The following THBS2 variants were observed in gnomAD, a reference collection of about 807,000 sequenced individuals.
THBS2 encodes thrombospondin 2.
THBS2 carries 47 observed loss-of-function variants against 135.2 expected under a neutral mutation model. The ratio of observed to expected loss-of-function variants is 0.35; its 90% CI spans 0.28 to 0.44. The LOEUF (loss-of-function observed/expected upper bound fraction) is 0.44. Ranked by LOEUF, THBS2 falls within the 20% of genes least tolerant of loss-of-function variation. The pLI is 1.00. For synonymous variants in THBS2, 639 were observed against 633.8 expected (o/e 1.01, Z -0.12); for missense variants, 1,288 against 1,603.1 (o/e 0.80, Z 3.36).
Position 169,221,532 on chromosome 6 carries a change from G to A in THBS2, c.3274-5C>T, listed in dbSNP as rs1779430052. On this transcript the variant is annotated splice_polypyrimidine_tract_variant and splice_region_variant and intron_variant, in intron 19 of 21. Coordinates refer to ENST00000617924, the MANE Select transcript of THBS2 (RefSeq NM_003247.5). The stretch of plus-strand genomic sequence containing the variant: ...GTCGTGCCATAAGGTTCGCACCTGA[G>A]AGAGAACATAGCACTCTTGAGTGCC... The A allele has an allele frequency of 6.2e-7, 1 of 1,613,764 alleles. No homozygotes were observed. The highest frequency in any genetic ancestry group is 8.5e-7 in the Non-Finnish European group (1 of 1,179,980).
In THBS2 at chr6:169,239,549, C is replaced by T. The variant is rs760760830; in HGVS notation, c.1129+50G>A. 4.0e-6 allele frequency: 6 copies of T among 1,494,348 alleles called. No individual in the cohort carries two copies. In the Admixed American group the frequency reaches 5.9e-5, roughly 15 times the overall value. The allele number at this position is 1,494,348 out of a possible 1,614,324, so 92.6% of individuals were successfully genotyped here. On this transcript the variant is annotated intron_variant, in intron 7 of 21. Coordinates refer to ENST00000617924, the MANE Select transcript of THBS2 (RefSeq NM_003247.5). ...ACCAATGAATAAATAAACAAACAAG[C>T]ATGGAATTCCTAAAAATGCAGGATG...
Position 169,228,149 on chromosome 6 carries a change from C to T in THBS2, c.2392G>A (p.Ala798Thr), listed in dbSNP as rs1300885314. ...IDTDNNGEGD[A>T]CSVDIDGDDV... is the part of the protein sequence containing the mutation. The stretch of plus-strand genomic sequence containing the variant: ...TCCCCATCAATGTCCACGGAGCAGG[C>T]GTCACCCTCTCCATTGTTGTCTGTG... Residue 798 changes from alanine (A) to threonine (T), a missense_variant, in exon 15 of 22, where the codon GCC becomes ACC. Physicochemically the swap from Ala to Thr is moderately conservative, Grantham distance 58. Around this residue, in one of 2 missense-constraint regions of THBS2, gnomAD observed 874 missense variants for 1,156.1 expected, o/e 0.76. Coordinates refer to ENST00000617924, the MANE Select transcript of THBS2 (RefSeq NM_003247.5). 9 of 1,613,556 alleles carry T rather than the reference C, an allele frequency of 5.6e-6. No homozygotes were observed. Among genetic ancestry groups the T allele is most frequent in the South Asian group, 1.1e-5 (1 of 91,058 alleles).
intron 21 of THBS2, among the ~76,000 whole-genome samples, chr6:169,219,339 G>GAT: frequency 2.9e-5 from 1 of 34,048 alleles, no homozygotes; most frequent in Non-Finnish European, 5.5e-5. Context: ...TGTGTGGGTG[G>GAT]GTGGATGGAT....
intron 10 of THBS2, among the ~76,000 whole-genome samples, chr6:169,234,343 T>G (rs1169721308): frequency 7.4e-6 from 1 of 134,870 alleles, no homozygotes; most frequent in Non-Finnish European, 1.7e-5. Context: ...ACACACCACA[T>G]TCCACACCAC....
Position 169,240,551 on chromosome 6 carries a change from A to T in THBS2, c.933T>A (p.Pro311=), listed in dbSNP as rs751818310. The T allele has an allele frequency of 1.2e-6, 2 of 1,614,026 alleles. No individual in the cohort carries two copies. Among genetic ancestry groups the T allele is most frequent in the South Asian group, 1.1e-5 (1 of 91,076 alleles). The part of the protein sequence containing the change: ...NQFLWELIGG[P]PKTRNMSACW... Reference sequence around the variant, plus strand: ...AAGCTGACATGTTCCTTGTCTTAGGAGGGCCACCAATGAGCTCCCAGAGAA... The same window carrying T: ...AAGCTGACATGTTCCTTGTCTTAGGTGGGCCACCAATGAGCTCCCAGAGAA... The change falls in exon 6 of 22, where the codon CCT becomes CCA. Residue 311 remains proline (P), a synonymous_variant. Coordinates refer to ENST00000617924, the MANE Select transcript of THBS2 (RefSeq NM_003247.5).
rs961973752 is a variant in THBS2 at position 169,253,773 on chromosome 6, G to C, written c.-72C>G. The C allele has an allele frequency of 1.3e-5, 2 of 152,254 alleles. No individual in the cohort carries two copies. Among genetic ancestry groups the C allele is most frequent in the Non-Finnish European group, 2.9e-5 (2 of 68,050 alleles). 9.4% of individuals were successfully genotyped at this position (152,254 alleles called of 1,614,324 possible). Reference sequence around the variant, plus strand: ...ATGACTGGTTTCAGTGTTCCGGACCGAGTCAGAAAGGCGCAGGCTCTGCTG... The same window carrying C: ...ATGACTGGTTTCAGTGTTCCGGACCCAGTCAGAAAGGCGCAGGCTCTGCTG... On this transcript the variant is annotated 5_prime_UTR_variant, in exon 1 of 22. Coordinates refer to ENST00000617924, the MANE Select transcript of THBS2 (RefSeq NM_003247.5).
rs1314889912 is a variant in THBS2, at chr6:169,232,141, C to A, written c.1990G>T (p.Glu664Ter). 6.2e-7 allele frequency: 1 copy of A among 1,614,108 alleles called. No individual in the cohort carries two copies. The highest frequency in any genetic ancestry group is 8.5e-7 in the Non-Finnish European group (1 of 1,179,976). ...CTGAAGTGGCCCAGGTAGATGCACT[C>A]CGCGTGCTTGTGGCAGTTGTGTGTC... ...DKTHNCHKHA[E>*]CIYLGHFSDP... The change falls in exon 13 of 22, where the codon GAG (glutamate) becomes TAG (stop). Residue 664 changes from glutamate (E) to a stop codon, truncating the protein, a stop_gained. Transcript: ENST00000617924. LOFTEE classifies it high-confidence loss of function.
At chr6:169,228,888 C>CACT (rs1420664356) in intron 14 of THBS2, among the ~76,000 whole-genome samples, 1 of 145,522 alleles carries the variant, frequency 6.9e-6, no homozygotes, top group East Asian at 2.0e-4. Context: ...CATGCCATTG[C>CACT]ACTCAAGCCT....
At chr6:169,250,033 A>G (rs1302875009) in intron 2 of THBS2, among the ~76,000 whole-genome samples, 1 of 92,256 alleles carries the variant, frequency 1.1e-5, no homozygotes, top group Non-Finnish European at 2.8e-5. Flanking sequence ...CCGTCCCAGA[A>G]AAAAAAAAAA....
intron 4 of THBS2, 97 bp downstream of exon 4, chr6:169,246,100 C>A: frequency 1.0e-6 from 1 of 969,476 alleles, no homozygotes; most frequent in Non-Finnish European, 1.6e-6. Context: ...TTTTTACAAG[C>A]ATGAATGCAC....
intron 13 of THBS2, among the ~76,000 whole-genome samples, chr6:169,230,878 C>T (rs61466784): frequency 6.6e-5 from 10 of 151,848 alleles, no homozygotes; most frequent in Admixed American, 2.6e-4. Context: ...TTTAATCAAG[C>T]GGGACTGACA....
intron 21 of THBS2, among the ~76,000 whole-genome samples, chr6:169,218,757 ATGGG>A (rs372443058): frequency 7.8e-4 from 91 of 117,086 alleles, no homozygotes; most frequent in Admixed American, 1.0e-3. Context: ...AGATGGATGG[ATGGG>A]TGGGTGGGTG....
chr6:169,234,282 T>C (rs1583412150), intron 10 of THBS2, among the ~76,000 whole-genome samples: 1 of 149,204 alleles, frequency 6.7e-6, no homozygotes, highest in Middle Eastern at 3.5e-3. Context: ...CATGCTATGT[T>C]CCCAGCCACA....
intron 13 of THBS2, among the ~76,000 whole-genome samples, chr6:169,231,448 GT>G (rs1779830344): frequency 6.6e-6 from 1 of 152,200 alleles, no homozygotes; most frequent in Admixed American, 6.5e-5. Flanking sequence ...GATTCCTGTT[GT>G]TGTGAGCCTC....
chr6:169,232,072 C>A lies in THBS2; in HGVS notation c.2059G>T (p.Asp687Tyr). 6.2e-6 allele frequency: 10 copies of A among 1,614,122 alleles called. No homozygotes were observed. The highest frequency in any genetic ancestry group is 8.5e-6 in the Non-Finnish European group (10 of 1,179,982). ...KCECQTGYAG[D>Y]GLICGEDSDL... is the part of the protein sequence containing the mutation. ...GAGTCCTCCCCGCAGATGAGCCCGT[C>A]GCCCGCGTAGCCTGTCTGGCACTCG... Residue 687 changes from aspartate to tyrosine, a missense_variant, in exon 13 of 22, where the codon GAC becomes TAC. Asp to Tyr is a radical substitution (Grantham distance 160). Transcript: ENST00000617924.
At position 169,232,821 on chromosome 6, in the gene THBS2, G is replaced by T. The variant is rs766415644; in HGVS notation, c.1780-5C>A. On this transcript the variant is annotated splice_region_variant and splice_polypyrimidine_tract_variant and intron_variant, in intron 11 of 21. Transcript: ENST00000617924. ...GATGTCGGGGACCAGGGCACACTGC[G>T]GGGACAAGCAGACATGAGAGGCCGC... 5.6e-6 allele frequency: 9 copies of T among 1,612,384 alleles called. No individual in the cohort carries two copies. The highest frequency in any genetic ancestry group is 7.6e-6 in the Non-Finnish European group (9 of 1,179,108).
intron 17 of THBS2, 109 bp downstream of exon 17, chr6:169,225,036 C>T (rs1470434559): frequency 2.6e-6 from 3 of 1,139,760 alleles, no homozygotes; most frequent in Non-Finnish European, 3.8e-6. Context: ...AGTCATTGCC[C>T]TTTTTCCAGC....
intron 10 of THBS2, among the ~76,000 whole-genome samples, chr6:169,233,952 C>T (rs1200683265): frequency 6.6e-6 from 1 of 150,914 alleles, no homozygotes; most frequent in Non-Finnish European, 1.5e-5. Context: ...CCACGCACCA[C>T]CTTCTACAAC....
At chr6:169,226,668 T>A (rs1290019313) in intron 15 of THBS2, among the ~76,000 whole-genome samples, 1 of 152,206 alleles carries the variant, frequency 6.6e-6, no homozygotes, top group Non-Finnish European at 1.5e-5. Context: ...GAGTTTATCA[T>A]CCATGCACAT....
Sources: gnomAD v4.1 joint callset for allele counts (sites outside exome capture counted in the v4.1 genomes callset) on GRCh38, gnomAD v4.1.1 for gene constraint, gnomAD v4.1.1 regional missense constraint, MANE v1.5 for transcripts, NCBI Gene and HGNC (gene_info 2026-07-23, HGNC 2026-07-21) for gene names.